The following ZNF462 variants were observed in gnomAD, a reference collection of about 807,000 sequenced individuals.
ZNF462 encodes zinc finger protein 462.
ZNF462 carries 10 observed loss-of-function variants against 201.9 expected under a neutral mutation model. That is an observed-to-expected ratio of 0.05 (90% CI 0.03 to 0.08). The LOEUF (loss-of-function observed/expected upper bound fraction) is 0.08, where lower values mean the gene tolerates loss of function less well. ZNF462 is among the 10% of genes least tolerant of loss of function. The probability of loss-of-function intolerance (pLI) is 1.00; values close to 1 mark genes in which losing one functional copy is unlikely to be tolerated. For missense variants in ZNF462, 2,523 were observed against 3,168.3 expected, an observed-to-expected ratio of 0.80 and a Z score of 4.89; for synonymous variants, 1,227 against 1,193.3, an observed-to-expected ratio of 1.03 and a Z score of -0.58.
At chr9:106,991,030 T>C (rs1828236172) in intron 10 of ZNF462, among the ~76,000 whole-genome samples, 1 of 151,994 alleles carries the variant, frequency 6.6e-6, no homozygotes, top group Non-Finnish European at 1.5e-5. Context: ...TGAACAGAAT[T>C]ATGCTGAAAA....
In ZNF462 at chr9:106,984,729, T is replaced by G. The variant is rs530369334; in HGVS notation, c.7056+320T>G. Among the ~76,000 whole-genome samples, 1 of 152,340 alleles carries G rather than the reference T, an allele frequency of 6.6e-6. No individual in the cohort carries two copies. Among genetic ancestry groups the G allele is most frequent in the East Asian group, 1.9e-4 (1 of 5,186 alleles). The stretch of plus-strand genomic sequence containing the variant: ...TATACTATACATAAAACATGATACC[T>G]TACATTTTTTAAAGCTTATTCTAAA... On this transcript the variant is annotated intron_variant, in intron 10 of 12. Coordinates refer to ENST00000277225, the MANE Select transcript of ZNF462 (RefSeq NM_021224.6). This position sits in a 1 kb window ranked among gnomAD's most constrained non-coding sequence, Gnocchi z 6.4.
In ZNF462 at chr9:107,005,564, T is replaced by C. The variant is rs1012550300; in HGVS notation, c.7189+2138T>C. ...TTTTCTGTTGAGTTGCTTGATTTTC[T>C]AATACAGCATGGGTATTAATTCCTT... On this transcript the variant is annotated intron_variant, in intron 11 of 12. Coordinates refer to ENST00000277225, the MANE Select transcript of ZNF462 (RefSeq NM_021224.6). The surrounding 1 kb of genome is among the most constrained non-coding windows in gnomAD (Gnocchi z 4.4). Among the ~76,000 whole-genome samples, 17 of 152,210 alleles carry C rather than the reference T, an allele frequency of 1.1e-4. No homozygotes were observed. The highest frequency in any genetic ancestry group is 3.3e-4 in the Admixed American group (5 of 15,274).
At chr9:106,896,484 G>A (rs1003274286) in intron 1 of ZNF462, among the ~76,000 whole-genome samples, 7 of 152,118 alleles carry the variant, frequency 4.6e-5, no homozygotes, top group Admixed American at 2.0e-4. Context: ...ACCTAATCTC[G>A]GTTGCAGGAT....
Position 106,926,498 on chromosome 9 carries a change from C to T in ZNF462, c.2586C>T (p.Tyr862=), listed in dbSNP as rs1359833957. The change falls in exon 3 of 13, where the codon TAC becomes TAT. Residue 862 remains tyrosine (Y), a synonymous_variant. Coordinates refer to ENST00000277225, the MANE Select transcript of ZNF462 (RefSeq NM_021224.6). The surrounding 1 kb of genome is among the most constrained non-coding windows in gnomAD (Gnocchi z 7.9). ...CTGCCCGGAGTGTTAGCACCCACTA[C>T]CAACGAATGCACCCATACATTAAAT... is the stretch of plus-strand genomic sequence containing the variant. ...NKSARSVSTH[Y]QRMHPYIKFS... 2.5e-6 allele frequency: 4 copies of T among 1,614,142 alleles called. No individual in the cohort carries two copies. Among genetic ancestry groups the T allele is most frequent in the East Asian group, 2.2e-5 (1 of 44,882 alleles).
Position 106,984,170 on chromosome 9 carries a change from C to T in ZNF462, c.6833-16C>T. The T allele has an allele frequency of 1.3e-6, 2 of 1,599,566 alleles. No homozygotes were observed. Among genetic ancestry groups the T allele is most frequent in the Non-Finnish European group, 8.5e-7 (1 of 1,172,892 alleles). On this transcript the variant is annotated splice_polypyrimidine_tract_variant and intron_variant, in intron 9 of 12. Coordinates refer to ENST00000277225, the MANE Select transcript of ZNF462 (RefSeq NM_021224.6). The surrounding 1 kb of genome is among the most constrained non-coding windows in gnomAD (Gnocchi z 6.4). ...CAGTAAAAATTCCCATCTTTCCATT[C>T]AATTTGTTTCCACAGAAGAGCGTGT...
chr9:107,010,890 G>A lies in ZNF462; in HGVS notation c.7381G>A (p.Val2461Ile), dbSNP rs754851831. The stretch of plus-strand genomic sequence containing the variant: ...CCCAAAAGAGATCATGGAGAACAGT[G>A]TTAAAATGCCCTCCATAGAGGAAAA... ...IHPKEIMENS[V>I]KMPSIEEKED... The change falls in exon 13 of 13, where the codon GTT (valine) becomes ATT (isoleucine). Residue 2461 changes from valine (V) to isoleucine (I), a missense_variant. Val to Ile is a conservative substitution (Grantham distance 29, BLOSUM62 3). This residue lies in a region of ZNF462 where 67 missense variants were observed against 63.2 expected (regional missense o/e 1.06). Coordinates refer to ENST00000277225, the MANE Select transcript of ZNF462 (RefSeq NM_021224.6). The surrounding 1 kb of genome is among the most constrained non-coding windows in gnomAD (Gnocchi z 4.6). 6.2e-6 allele frequency: 10 copies of A among 1,613,516 alleles called. No individual in the cohort carries two copies. In the East Asian group the frequency reaches 2.2e-4, roughly 36 times the overall value.
At position 106,968,946 on chromosome 9, in the gene ZNF462, A is replaced by G. The variant is rs1588131434; in HGVS notation, c.6428-3059A>G. ...CTGCTCTTCAGGCCATGCTTCATGA[A>G]CAAACAGGAATTTTATGTAGCTTAG... is the stretch of plus-strand genomic sequence containing the variant. On this transcript the variant is annotated intron_variant, in intron 7 of 12. Transcript: ENST00000277225. This position sits in a 1 kb window ranked among gnomAD's most constrained non-coding sequence, Gnocchi z 4.0. Among the ~76,000 whole-genome samples, 1 of 152,208 alleles carries G rather than the reference A, an allele frequency of 6.6e-6. No individual in the cohort carries two copies.
intron 7 of ZNF462, among the ~76,000 whole-genome samples, chr9:106,949,830 C>T (rs1831264096): frequency 6.6e-6 from 1 of 152,188 alleles, no homozygotes; most frequent in Non-Finnish European, 1.5e-5. Flanking sequence ...ATGGTAATAA[C>T]TCAACAGACA....
intron 10 of ZNF462, among the ~76,000 whole-genome samples, chr9:106,990,767 G>C (rs1828211089): frequency 6.6e-6 from 1 of 151,938 alleles, no homozygotes; most frequent in African/African-American, 2.4e-5. Flanking sequence ...TACTGAGATA[G>C]CAGTACTTTT....
In ZNF462 at chr9:106,925,093, A is replaced by G; in HGVS notation, c.1181A>G (p.Glu394Gly). 1.9e-6 allele frequency: 3 copies of G among 1,614,194 alleles called. No individual in the cohort carries two copies. The highest frequency in any genetic ancestry group is 2.5e-6 in the Non-Finnish European group (3 of 1,180,034). ...NDSSSDEELN[E>G]IDSENGLSAM... Reference sequence around the variant, plus strand: ...TCTAGTTCTGATGAAGAGTTAAATGAAATAGACAGTGAGAATGGTTTAAGT... The same window carrying G: ...TCTAGTTCTGATGAAGAGTTAAATGGAATAGACAGTGAGAATGGTTTAAGT... The change falls in exon 3 of 13, where the codon GAA (glutamate) becomes GGA (glycine). Residue 394 changes from glutamate to glycine, a missense_variant. By Grantham distance (98) the Glu-to-Gly change is moderately conservative. Around this residue, in one of 15 missense-constraint regions of ZNF462, gnomAD observed 480 missense variants for 544.4 expected, o/e 0.88. Coordinates refer to ENST00000277225, the MANE Select transcript of ZNF462 (RefSeq NM_021224.6). The surrounding 1 kb of genome is among the most constrained non-coding windows in gnomAD (Gnocchi z 7.9).
Position 106,890,928 on chromosome 9 carries a change from T to G in ZNF462, c.-31+27573T>G, listed in dbSNP as rs945247013. ...AATGGCATCCTTAAAATCTGATGGT[T>G]TTCTTTGTACCTTTCTGGTTGAGTA... is the stretch of plus-strand genomic sequence containing the variant. On this transcript the variant is annotated intron_variant, in intron 1 of 12. Transcript: ENST00000277225. The surrounding 1 kb of genome is among the most constrained non-coding windows in gnomAD (Gnocchi z 4.2). Among the ~76,000 whole-genome samples the G allele has an allele frequency of 6.6e-6, 1 of 152,246 alleles. No individual in the cohort carries two copies. Among genetic ancestry groups the G allele is most frequent in the African/African-American group, 2.4e-5 (1 of 41,462 alleles).
rs1200966566 is a variant in ZNF462, at chr9:106,865,675, C to T, written c.-31+2320C>T. On this transcript the variant is annotated intron_variant, in intron 1 of 12. Coordinates refer to ENST00000277225, the MANE Select transcript of ZNF462 (RefSeq NM_021224.6). This position sits in a 1 kb window ranked among gnomAD's most constrained non-coding sequence, Gnocchi z 4.1. ...AGTACTCTTAAGTCTTCAGAAATAT[C>T]AGTATGTCTTCTTAACAATGTCGCT... 3.3e-5 allele frequency among the ~76,000 whole-genome samples: 5 copies of T among 152,126 alleles called. No homozygotes were observed. In the South Asian group the frequency reaches 1.0e-3, roughly 32 times the overall value.
chr9:106,917,031 C>G lies in ZNF462; in HGVS notation c.-30-6323C>G, dbSNP rs537332196. Among the ~76,000 whole-genome samples the G allele has an allele frequency of 1.3e-5, 2 of 152,336 alleles. No homozygotes were observed. The highest frequency in any genetic ancestry group is 4.8e-5 in the African/African-American group (2 of 41,596). On this transcript the variant is annotated intron_variant, in intron 1 of 12. Coordinates refer to ENST00000277225, the MANE Select transcript of ZNF462 (RefSeq NM_021224.6). The surrounding 1 kb of genome is among the most constrained non-coding windows in gnomAD (Gnocchi z 4.5). ...CCTTTTCTACGGACAGGAGAGCTGGCAGACTGCCTATTGGCCTGTTGGCCT... is the reference window on the plus strand; with the variant it reads ...CCTTTTCTACGGACAGGAGAGCTGGGAGACTGCCTATTGGCCTGTTGGCCT...
chr9:106,928,829 G>T lies in ZNF462; in HGVS notation c.4917G>T (p.Val1639=). The change falls in exon 3 of 13, where the codon GTG becomes GTT. Residue 1639 remains valine, a synonymous_variant. Coordinates refer to ENST00000277225, the MANE Select transcript of ZNF462 (RefSeq NM_021224.6). The surrounding 1 kb of genome is among the most constrained non-coding windows in gnomAD (Gnocchi z 9.3). ...AAGTCTCCATCACTGAGGAGGAGGTGGGAGAGGAGCCCGTGTCCACTTCTC... is the reference window on the plus strand; with the variant it reads ...AAGTCTCCATCACTGAGGAGGAGGTTGGAGAGGAGCCCGTGTCCACTTCTC... The part of the protein sequence containing the change: ...PSQVSITEEE[V]GEEPVSTSHF... 6.2e-7 allele frequency: 1 copy of T among 1,614,088 alleles called. No homozygotes were observed. Among genetic ancestry groups the T allele is most frequent in the Non-Finnish European group, 8.5e-7 (1 of 1,180,024 alleles).
chr9:106,971,195 AT>A (rs921650738), intron 7 of ZNF462, among the ~76,000 whole-genome samples: 10 of 150,324 alleles, frequency 6.7e-5, no homozygotes, highest in South Asian at 2.1e-4. Flanking sequence ...TTAAAGACTG[AT>A]TTTTTTTTTA....
rs761022243 is a variant in ZNF462 at position 107,003,377 on chromosome 9, C to T, written c.7140C>T (p.Ser2380=). The T allele has an allele frequency of 6.8e-6, 11 of 1,613,612 alleles. No homozygotes were observed. The highest frequency in any genetic ancestry group is 6.7e-5 in the Admixed American group (4 of 59,928). Residue 2380 remains serine, a synonymous_variant, in exon 11 of 13, where the codon AGC becomes AGT. Coordinates refer to ENST00000277225, the MANE Select transcript of ZNF462 (RefSeq NM_021224.6). This position sits in a 1 kb window ranked among gnomAD's most constrained non-coding sequence, Gnocchi z 4.4. ...QMKEKMESSS[S]DDEDKEEEMN... ...AGGAGAAAATGGAGAGCTCCAGCAG[C>T]GATGATGAGGACAAGGAAGAAGAAA...
rs1828518784 is a variant in ZNF462 at position 106,890,313 on chromosome 9, G to A, written c.-31+26958G>A. ...GGACCTCAAGAATTTCAGTCAACCC[G>A]GCAACACATGCAGTGCCCCTTCCGG... On this transcript the variant is annotated intron_variant, in intron 1 of 12. Coordinates refer to ENST00000277225, the MANE Select transcript of ZNF462 (RefSeq NM_021224.6). This position sits in a 1 kb window ranked among gnomAD's most constrained non-coding sequence, Gnocchi z 4.2. Among the ~76,000 whole-genome samples the A allele has an allele frequency of 6.6e-6, 1 of 152,168 alleles. No individual in the cohort carries two copies. Among genetic ancestry groups the A allele is most frequent in the African/African-American group, 2.4e-5 (1 of 41,430 alleles).
At chr9:106,860,727 G>C (rs1827043420), upstream of ZNF462, among the ~76,000 whole-genome samples, 1 of 152,192 alleles carries the variant, frequency 6.6e-6, no homozygotes, top group African/African-American at 2.4e-5. The surrounding 1 kb of genome is among the most constrained non-coding windows in gnomAD (Gnocchi z 7.1). Flanking sequence ...GGACGGCGGA[G>C]ACCTGGCGCG....
intron 1 of ZNF462, among the ~76,000 whole-genome samples, chr9:106,879,338 C>G (rs1313376948): frequency 9.3e-6 from 1 of 107,050 alleles, no homozygotes; most frequent in Non-Finnish European, 1.9e-5. Flanking sequence ...TTCCACCCCC[C>G]CCCCCACCCC....
Sources: gnomAD v4.1 joint callset for allele counts (sites outside exome capture counted in the v4.1 genomes callset) on GRCh38, gnomAD v4.1.1 for gene constraint, gnomAD v4.1.1 regional missense constraint, Gnocchi (gnomAD v3.1) non-coding constraint, MANE v1.5 for transcripts, NCBI Gene and HGNC (gene_info 2026-07-23, HGNC 2026-07-21) for gene names.